Variants in SCFD2 observed in about 807,000 individuals in gnomAD.
The protein encoded by SCFD2 is sec1 family domain-containing protein 2.
Under a neutral mutation model 58.9 loss-of-function variants are expected in SCFD2, and 54 were observed. The ratio of observed to expected loss-of-function variants is 0.92; its 90% CI spans 0.74 to 1.15. The LOEUF (loss-of-function observed/expected upper bound fraction) is 1.15. Ranked by LOEUF, SCFD2 falls within the 50% of genes most tolerant of loss-of-function variation. SCFD2 has a pLI of 0.00. For synonymous variants in SCFD2, 321 were observed against 335.9 expected (o/e 0.96, Z 0.49); for missense variants, 805 against 836.6 (o/e 0.96, Z 0.47).
intron 4 of SCFD2, among the ~76,000 whole-genome samples, chr4:53,208,924 T>A (rs1445098009): frequency 6.6e-6 from 1 of 152,170 alleles, no homozygotes; most frequent in African/African-American, 2.4e-5. Context: ...AAGGGACTCT[T>A]GGCCACAGGA....
chr4:52,985,587 C>A (rs1206739267), intron 5 of SCFD2, among the ~76,000 whole-genome samples: 2 of 151,398 alleles, frequency 1.3e-5, no homozygotes, highest in African/African-American at 2.4e-5. Context: ...CAGTTTTATT[C>A]TATTAAGAAA....
At chr4:53,256,294 G>A (rs1388467896) in intron 4 of SCFD2, among the ~76,000 whole-genome samples, 9 of 147,522 alleles carry the variant, frequency 6.1e-5, no homozygotes, top group Non-Finnish European at 1.2e-4. Flanking sequence ...ATGGGGCGGC[G>A]GGGCAGAGGC....
intron 2 of SCFD2, among the ~76,000 whole-genome samples, chr4:53,342,059 A>G (rs1017184229): frequency 1.3e-5 from 2 of 152,250 alleles, no homozygotes; most frequent in Non-Finnish European, 2.9e-5. Flanking sequence ...GTAATGGACA[A>G]AATAACCAGC....
At chr4:53,214,737 C>T (rs1180792318) in intron 4 of SCFD2, among the ~76,000 whole-genome samples, 2 of 152,008 alleles carry the variant, frequency 1.3e-5, no homozygotes, top group African/African-American at 2.4e-5. Flanking sequence ...CATGCCTATG[C>T]CTTGAATGGT....
intron 5 of SCFD2, among the ~76,000 whole-genome samples, chr4:53,088,837 G>A (rs1383506491): frequency 6.6e-6 from 1 of 152,028 alleles, no homozygotes; most frequent in Middle Eastern, 3.2e-3. Context: ...GCAAGGGGTG[G>A]CAGGCTATGG....
chr4:53,348,066 T>C (rs754138481), intron 2 of SCFD2, among the ~76,000 whole-genome samples: 1 of 152,238 alleles, frequency 6.6e-6, no homozygotes, highest in Non-Finnish European at 1.5e-5. Context: ...CTACTTCTTG[T>C]TGAAATACTC....
In SCFD2 at chr4:53,352,703, G is replaced by C. The variant is rs778950379; in HGVS notation, c.902C>G (p.Pro301Arg). 9 of 1,613,940 alleles carry C rather than the reference G, an allele frequency of 5.6e-6. No homozygotes were observed. The highest frequency in any genetic ancestry group is 3.3e-5 in the Admixed American group (2 of 59,998). The change falls in exon 2 of 9, where the codon CCA (proline) becomes CGA (arginine). Residue 301 changes from proline to arginine, a missense_variant. Physicochemically the swap from Pro to Arg is moderately radical, Grantham distance 103. Transcript: ENST00000401642. ...EKIISALPQLPGHTNDVMVNM... is the reference protein window; with the variant it reads ...EKIISALPQLRGHTNDVMVNM... ...AACCATCACATCATTTGTGTGGCCT[G>C]GGAGCTGGGGAAGTGCTGAAATGAT...
At chr4:52,998,801 C>CAAT (rs1429844586) in intron 5 of SCFD2, among the ~76,000 whole-genome samples, 6 of 152,098 alleles carry the variant, frequency 3.9e-5, no homozygotes, top group South Asian at 2.1e-4. Context: ...GAGTAATAAT[C>CAAT]AATAATAATA....
intron 5 of SCFD2, among the ~76,000 whole-genome samples, chr4:53,018,617 T>C (rs1429290180): frequency 6.6e-6 from 1 of 152,170 alleles, no homozygotes. Flanking sequence ...GCCCATGAAG[T>C]GCAATTTTCA....
At chr4:53,320,811 A>C (rs1444161291) in intron 2 of SCFD2, among the ~76,000 whole-genome samples, 8 of 152,190 alleles carry the variant, frequency 5.3e-5, no homozygotes, top group African/African-American at 1.9e-4. Flanking sequence ...ACAACAACAA[A>C]AAAATTACCA....
At chr4:53,186,961 T>C (rs1356591516) in intron 4 of SCFD2, among the ~76,000 whole-genome samples, 1 of 151,894 alleles carries the variant, frequency 6.6e-6, no homozygotes, top group Non-Finnish European at 1.5e-5. Context: ...TCCATAAACA[T>C]TTCAAAACAA....
chr4:52,975,946 T>G (rs1003576975), intron 5 of SCFD2, among the ~76,000 whole-genome samples: 2 of 144,184 alleles, frequency 1.4e-5, no homozygotes, highest in Non-Finnish European at 3.0e-5. Context: ...CACCACATGT[T>G]CTCACTCATA....
chr4:53,314,092 A>C (rs2149111948), intron 2 of SCFD2, among the ~76,000 whole-genome samples: 1 of 152,356 alleles, frequency 6.6e-6, no homozygotes, highest in South Asian at 2.1e-4. Flanking sequence ...CACTAGAGTA[A>C]TATAAATGTT....
chr4:53,348,645 C>A (rs1307241804), intron 2 of SCFD2, among the ~76,000 whole-genome samples: 1 of 152,054 alleles, frequency 6.6e-6, no homozygotes, highest in Non-Finnish European at 1.5e-5. Context: ...ACTATTTCAC[C>A]AAACTTGCTA....
chr4:52,937,241 C>A (rs1008375086), intron 5 of SCFD2, among the ~76,000 whole-genome samples: 1 of 152,118 alleles, frequency 6.6e-6, no homozygotes, highest in Non-Finnish European at 1.5e-5. Flanking sequence ...TGCTTAAGTT[C>A]TAGAAGAGCA....
intron 4 of SCFD2, among the ~76,000 whole-genome samples, chr4:53,242,216 G>A (rs1423561912): frequency 6.6e-6 from 1 of 152,208 alleles, no homozygotes; most frequent in African/African-American, 2.4e-5. Context: ...TGCATTGGCT[G>A]ACACCACCCA....
At chr4:53,169,464 G>A (rs1188800066) in intron 4 of SCFD2, among the ~76,000 whole-genome samples, 2 of 152,246 alleles carry the variant, frequency 1.3e-5, no homozygotes, top group South Asian at 2.1e-4. Flanking sequence ...GAACATGCAG[G>A]CTGATTCCAT....
intron 5 of SCFD2, among the ~76,000 whole-genome samples, chr4:52,965,762 G>C (rs1720949733): frequency 6.6e-6 from 1 of 152,206 alleles, no homozygotes; most frequent in Non-Finnish European, 1.5e-5. Flanking sequence ...CATTTGGCTT[G>C]ACAGTTGTTA....
rs545176439 is a variant in SCFD2 at position 52,881,166 on chromosome 4, C to T, written c.1962+4581G>A. On this transcript the variant is annotated intron_variant, in intron 8 of 8. Transcript: ENST00000401642. ...TTTAGAGCAGAGCAGTCTTCAGAGGCTAGCAGGTGGGCATGTGGTTTCTGG... is the reference window on the plus strand; with the variant it reads ...TTTAGAGCAGAGCAGTCTTCAGAGGTTAGCAGGTGGGCATGTGGTTTCTGG... 2.9e-4 allele frequency among the ~76,000 whole-genome samples: 44 copies of T among 152,362 alleles called. No homozygotes were observed. The South Asian group carries it at 8.9e-3, about 31-fold the overall frequency.
Sources: gnomAD v4.1 joint callset for allele counts (sites outside exome capture counted in the v4.1 genomes callset) on GRCh38, gnomAD v4.1.1 for gene constraint, MANE v1.5 for transcripts, NCBI Gene and HGNC (gene_info 2026-07-23, HGNC 2026-07-21) for gene names.